PDXDC1: variants seen among roughly 807,000 people sequenced by gnomAD.
PDXDC1 encodes the protein pyridoxal dependent decarboxylase domain containing 1, also known as pyridoxal-dependent decarboxylase domain-containing protein 1.
A neutral mutation model predicts 100.1 loss-of-function variants in PDXDC1; 42 were observed. The observed-to-expected ratio is 0.42, with a 90% CI of 0.33 to 0.54. PDXDC1 has a LOEUF of 0.54. Ranked by LOEUF, PDXDC1 falls within the 20% of genes least tolerant of loss-of-function variation. The pLI, the probability that PDXDC1 is intolerant of heterozygous loss-of-function variation, is 0.10. For synonymous variants in PDXDC1, 260 were observed against 371.7 expected (o/e 0.70, Z 3.46); for missense variants, 636 against 979.2 (o/e 0.65, Z 4.68).
rs767585137 is a variant in PDXDC1 at position 15,094,223 on chromosome 16, G to A, written c.1400-44656G>A. On this transcript the variant is annotated intron_variant, in intron 16 of 16. Transcript: ENST00000535621. ...TCCCGGCAAACGCGTGTGAAGCAGC[G>A]GTGCCGCCATTGGGCCGAACTAACG... is the stretch of plus-strand genomic sequence containing the variant. 132 of 1,591,322 alleles carry A rather than the reference G, an allele frequency of 8.3e-5. No individual in the cohort carries two copies. Among genetic ancestry groups the A allele is most frequent in the Non-Finnish European group, 1.0e-4 (122 of 1,169,680 alleles).
At chr16:15,125,031 C>T (rs1009972299) in intron 16 of PDXDC1, among the ~76,000 whole-genome samples, 21 of 151,000 alleles carry the variant, frequency 1.4e-4, no homozygotes, top group African/African-American at 4.9e-4. Flanking sequence ...CCTGTAACCC[C>T]AGCTACTCAG....
intron 16 of PDXDC1, among the ~76,000 whole-genome samples, chr16:15,099,650 C>G (rs1395315694): frequency 6.6e-6 from 1 of 151,882 alleles, no homozygotes; most frequent in African/African-American, 2.4e-5. Flanking sequence ...GACCCTCCCC[C>G]TCCAAAAAGA....
intron 16 of PDXDC1, chr16:15,084,781 G>A: frequency 1.9e-6 from 2 of 1,041,336 alleles, no homozygotes; most frequent in East Asian, 2.5e-5. Flanking sequence ...AAAAATAAAT[G>A]CTGGCTGGGC....
intron 16 of PDXDC1, among the ~76,000 whole-genome samples, chr16:15,074,151 A>T (rs1488598908): frequency 1.3e-5 from 2 of 152,200 alleles, no homozygotes; most frequent in African/African-American, 4.8e-5. Context: ...TCTCTAATCA[A>T]CATGTATTAT....
intron 12 of PDXDC1, among the ~76,000 whole-genome samples, chr16:15,021,095 G>T (rs2042168966): frequency 6.6e-6 from 1 of 152,218 alleles, no homozygotes; most frequent in African/African-American, 2.4e-5. Flanking sequence ...GTATGCTCTG[G>T]GCTGGGTGCA....
chr16:15,045,264 T>A (rs2044007014), intron 16 of PDXDC1: 1 of 151,690 alleles, frequency 6.6e-6, no homozygotes, highest in Admixed American at 6.6e-5. Flanking sequence ...GCCACTGCAC[T>A]CCAGCTCTGG....
chr16:15,101,991 G>C (rs1050939632), intron 16 of PDXDC1, among the ~76,000 whole-genome samples: 1 of 152,120 alleles, frequency 6.6e-6, no homozygotes, highest in Non-Finnish European at 1.5e-5. Context: ...TGGGATTACA[G>C]GTGCGTGCCA....
At chr16:15,136,005 T>C (rs2151928377) in intron 16 of PDXDC1, 3 of 1,531,826 alleles carry the variant, frequency 2.0e-6, no homozygotes, top group East Asian at 2.3e-5. Context: ...AGTGCTCGGC[T>C]GTGGCTGGGT....
chr16:15,089,436 A>G (rs2046031453), intron 16 of PDXDC1, among the ~76,000 whole-genome samples: 2 of 152,178 alleles, frequency 1.3e-5, no homozygotes, highest in South Asian at 4.1e-4. Context: ...CAGAGTGAGA[A>G]AAGAGTCAAG....
chr16:15,009,230 C>T, intron 7 of PDXDC1: 1 of 357,934 alleles, frequency 2.8e-6, no homozygotes, highest in Non-Finnish European at 4.8e-6. Context: ...TTGAGTTCTG[C>T]TTATTTTCAG....
intron 4 of PDXDC1, 126 bp from the exon 5 acceptor site, chr16:15,004,061 A>G (rs1973752332): frequency 3.3e-6 from 3 of 911,030 alleles, no homozygotes; most frequent in Admixed American, 4.9e-5. Flanking sequence ...CTGTTTATGC[A>G]TTGATTTGCC....
In PDXDC1 at chr16:14,988,939, C is replaced by A. The variant is rs1247442025; in HGVS notation, c.22-8814C>A. 3 of 1,613,470 alleles carry A rather than the reference C, an allele frequency of 1.9e-6. No individual in the cohort carries two copies. The South Asian group carries it at 3.3e-5, about 18-fold the overall frequency. Reference sequence around the variant, plus strand: ...AGCAGCCCCGGCCACAGGTTCTCGGCGTGCATGGTGGCGTGCCCGCTGAAG... The same window carrying A: ...AGCAGCCCCGGCCACAGGTTCTCGGAGTGCATGGTGGCGTGCCCGCTGAAG... On this transcript the variant is annotated intron_variant, in intron 1 of 22. Coordinates refer to ENST00000396410, the MANE Select transcript of PDXDC1 (RefSeq NM_015027.4).
intron 21 of PDXDC1, 80 bp from the exon 22 acceptor site, chr16:15,035,369 C>T (rs1405454840): frequency 1.6e-5 from 11 of 692,974 alleles, no homozygotes; most frequent in Non-Finnish European, 2.4e-5. Flanking sequence ...TATTGGGGAG[C>T]AAGGCTGTGT....
At chr16:15,044,613 G>GCCC in intron 16 of PDXDC1, 1 of 591,562 alleles carries the variant, frequency 1.7e-6, no homozygotes, top group Non-Finnish European at 3.0e-6. Flanking sequence ...CAGGGGCCCT[G>GCCC]ATGACTGAGG....
intron 1 of PDXDC1, among the ~76,000 whole-genome samples, chr16:14,979,201 A>T (rs1201845908): frequency 6.6e-6 from 1 of 152,298 alleles, no homozygotes; most frequent in African/African-American, 2.4e-5. Context: ...CAGCAGCCAC[A>T]TGTGGCTGAT....
At chr16:15,139,988 T>G (rs1380484771), downstream of PDXDC1, among the ~76,000 whole-genome samples, 1 of 145,438 alleles carries the variant, frequency 6.9e-6, no homozygotes, top group Admixed American at 7.2e-5. Flanking sequence ...TGCCAGCCAC[T>G]CTGGAGGCTG....
chr16:15,041,593 C>G, downstream of PDXDC1: 1 of 1,559,322 alleles, frequency 6.4e-7, no homozygotes, highest in South Asian at 1.1e-5. Flanking sequence ...AGACCCACAT[C>G]TTTGCTTTGG....
chr16:15,018,486 C>T (rs1464716146), intron 11 of PDXDC1, among the ~76,000 whole-genome samples: 3 of 152,286 alleles, frequency 2.0e-5, no homozygotes, highest in African/African-American at 7.2e-5. Context: ...GTGATTTCTG[C>T]TAAAACACTG....
At chr16:15,030,182 C>G (rs1196849026) in intron 16 of PDXDC1, 126 bp downstream of exon 16, 1 of 771,328 alleles carries the variant, frequency 1.3e-6, no homozygotes, top group Admixed American at 2.6e-5. Flanking sequence ...ATTTTCTTTT[C>G]TTTTGGGCTA....
Sources: allele counts gnomAD v4.1 joint callset (sites outside exome capture counted in the v4.1 genomes callset), GRCh38; gene constraint gnomAD v4.1.1; transcripts MANE v1.5; gene names NCBI Gene and HGNC (gene_info 2026-07-23, HGNC 2026-07-21).